The following PRKG1 variants were observed in gnomAD, a reference collection of about 807,000 sequenced individuals.
PRKG1 encodes cGMP-dependent protein kinase 1.
A neutral mutation model predicts 88.1 loss-of-function variants in PRKG1; 35 were observed. That is an observed-to-expected ratio of 0.40 (90% CI 0.30 to 0.53). The LOEUF (loss-of-function observed/expected upper bound fraction) is 0.53, where lower values mean the gene tolerates loss of function less well. PRKG1 is among the 20% of genes least tolerant of loss of function. The probability of loss-of-function intolerance (pLI) is 0.59; values close to 1 mark genes in which losing one functional copy is unlikely to be tolerated. For synonymous variants in PRKG1, 303 were observed against 292.5 expected (o/e 1.04, Z -0.37); for missense variants, 540 against 839.8 (o/e 0.64, Z 4.41).
chr10:51,868,261 T>C (rs1841066142), intron 4 of PRKG1, among the ~76,000 whole-genome samples: 1 of 152,088 alleles, frequency 6.6e-6, no homozygotes, highest in South Asian at 2.1e-4. Context: ...GCAACCAGCA[T>C]GGTTGCCCAT....
chr10:51,889,778 T>C (rs866814109), intron 4 of PRKG1, among the ~76,000 whole-genome samples: 50 of 152,318 alleles, frequency 3.3e-4, no homozygotes, highest in African/African-American at 1.1e-3. Context: ...TATCTCATTG[T>C]GGTTTTGATT....
At chr10:51,937,271 C>T (rs552701552) in intron 5 of PRKG1, among the ~76,000 whole-genome samples, 5 of 151,948 alleles carry the variant, frequency 3.3e-5, no homozygotes, top group African/African-American at 9.7e-5. Context: ...TGGCCATATT[C>T]TATGCCGCTA....
chr10:51,676,831 C>CT (rs1352122716), intron 3 of PRKG1, among the ~76,000 whole-genome samples: 1 of 152,116 alleles, frequency 6.6e-6, no homozygotes, highest in Non-Finnish European at 1.5e-5. Flanking sequence ...TGCTTATCTC[C>CT]TGGCATTGAT....
intron 2 of PRKG1, among the ~76,000 whole-genome samples, chr10:51,343,105 A>C (rs754609092): frequency 2.6e-5 from 4 of 152,232 alleles, no homozygotes; most frequent in Non-Finnish European, 5.9e-5. Flanking sequence ...AATTCACTGC[A>C]ATGTGAGCTT....
intron 5 of PRKG1, among the ~76,000 whole-genome samples, chr10:51,985,866 C>T (rs994014101): frequency 2.6e-5 from 4 of 152,056 alleles, no homozygotes; most frequent in South Asian, 2.1e-4. Flanking sequence ...CTGTTAGACC[C>T]GTTGCAAGTG....
chr10:51,331,305 A>G (rs1381864900), intron 2 of PRKG1, among the ~76,000 whole-genome samples: 1 of 152,060 alleles, frequency 6.6e-6, no homozygotes, highest in South Asian at 2.1e-4. Context: ...CTGTTGAAGT[A>G]AGTCCCATGG....
chr10:51,211,579 C>T (rs1301912590), intron 2 of PRKG1, among the ~76,000 whole-genome samples: 1 of 152,100 alleles, frequency 6.6e-6, no homozygotes, highest in Non-Finnish European at 1.5e-5. Flanking sequence ...ATCGTCTCAG[C>T]CTAAAATCTC....
At chr10:51,053,725 A>G (rs548315117) in intron 1 of PRKG1, among the ~76,000 whole-genome samples, 1 of 152,166 alleles carries the variant, frequency 6.6e-6, no homozygotes, top group African/African-American at 2.4e-5. Context: ...TTTAAGCTTC[A>G]TAATTGCTTG....
At position 50,991,568 on chromosome 10, in the gene PRKG1, A is replaced by G. The variant is rs1842782280; in HGVS notation, c.190A>G (p.Ile64Val). ...CCCCCGGACCACCCGGGCGCAGGGC[A>G]TCTCGGCCGAGCCGCAGACGTACAG... Residue 64 changes from isoleucine (I) to valine (V), a missense_variant, in exon 1 of 18, where the codon ATC becomes GTC. Physicochemically the swap from Ile to Val is conservative, Grantham distance 29. Transcript: ENST00000401604. The surrounding 1 kb of genome is among the most constrained non-coding windows in gnomAD (Gnocchi z 4.5). 6.2e-7 allele frequency: 1 copy of G among 1,602,996 alleles called. No individual in the cohort carries two copies. Among genetic ancestry groups the G allele is most frequent in the African/African-American group, 1.3e-5 (1 of 74,526 alleles).
At chr10:52,175,669 C>A (rs191967626) in intron 9 of PRKG1, among the ~76,000 whole-genome samples, 1 of 151,990 alleles carries the variant, frequency 6.6e-6, no homozygotes, top group East Asian at 1.9e-4. Context: ...TATTTTTTGT[C>A]TTTTTGATAA....
intron 5 of PRKG1, among the ~76,000 whole-genome samples, chr10:52,028,946 A>G (rs10823979): frequency 0.17 from 26,458 of 152,106 alleles, 2,570 homozygotes; most frequent in East Asian, 0.29. Flanking sequence ...AAAAAATACT[A>G]TTTCACAAAA....
intron 1 of PRKG1, among the ~76,000 whole-genome samples, chr10:51,049,872 C>G (rs1021855289): frequency 7.2e-5 from 11 of 152,044 alleles, no homozygotes; most frequent in African/African-American, 2.7e-4. Context: ...CGAAAGTACC[C>G]ATATGCATGG....
chr10:51,730,183 C>A (rs1564624346), intron 3 of PRKG1, among the ~76,000 whole-genome samples: 1 of 152,066 alleles, frequency 6.6e-6, no homozygotes, highest in East Asian at 2.0e-4. Flanking sequence ...AGCTGATGCT[C>A]CAGAGGCTGT....
At chr10:52,078,484 T>G (rs1323898779) in intron 7 of PRKG1, among the ~76,000 whole-genome samples, 1 of 152,214 alleles carries the variant, frequency 6.6e-6, no homozygotes, top group African/African-American at 2.4e-5. Flanking sequence ...CATTCTAACT[T>G]CCTACATGTG....
Position 50,991,238 on chromosome 10 carries a change from A to C in PRKG1, c.-141A>C. The stretch of plus-strand genomic sequence containing the variant: ...GCTCCCCGCGCCGCATTAGGGGCGC[A>C]CTCCGCCGCGCTCGAGTACTTAGCG... On this transcript the variant is annotated 5_prime_UTR_variant, in exon 1 of 18. Coordinates refer to the PRKG1 transcript ENST00000401604. This position sits in a 1 kb window ranked among gnomAD's most constrained non-coding sequence, Gnocchi z 4.5. 1.6e-6 allele frequency: 2 copies of C among 1,272,404 alleles called. No homozygotes were observed. Among genetic ancestry groups the C allele is most frequent in the South Asian group, 1.6e-5 (1 of 62,478 alleles). 78.8% of individuals were successfully genotyped at this position (1,272,404 alleles called of 1,614,324 possible). A position where few individuals can be genotyped will look rare whatever the true frequency, so the allele number is the denominator to read the frequency against.
Position 50,991,636 on chromosome 10 carries a change from G to A in PRKG1, c.258G>A (p.Lys86=), listed in dbSNP as rs370542792. 1.7e-4 allele frequency: 257 copies of A among 1,528,328 alleles called. No individual in the cohort carries two copies. The African/African-American group carries it at 3.3e-3, about 20-fold the overall frequency. The allele number at this position is 1,528,328 out of a possible 1,614,324, so 94.7% of individuals were successfully genotyped here. ...GACAGGCATTCCGGAAGTTCACCAA[G>A]TCCGAAAGGTAGGCGCGGAGGCCGT... Residue 86 remains lysine, a synonymous_variant, in exon 1 of 18, where the codon AAG becomes AAA. Coordinates refer to the PRKG1 transcript ENST00000401604. The surrounding 1 kb of genome is among the most constrained non-coding windows in gnomAD (Gnocchi z 4.5).
intron 8 of PRKG1, among the ~76,000 whole-genome samples, chr10:52,136,270 G>A (rs1470040151): frequency 6.6e-6 from 1 of 152,066 alleles, no homozygotes; most frequent in East Asian, 1.9e-4. Flanking sequence ...GGAGAAAATA[G>A]TGGGCAAATG....
intron 3 of PRKG1, among the ~76,000 whole-genome samples, chr10:51,750,702 C>A (rs1248508152): frequency 6.6e-6 from 1 of 152,178 alleles, no homozygotes; most frequent in Non-Finnish European, 1.5e-5. Flanking sequence ...CTGAATGGCA[C>A]TTCTAAGGGT....
intron 7 of PRKG1, among the ~76,000 whole-genome samples, chr10:52,066,677 C>T (rs773966459): frequency 6.6e-6 from 1 of 152,148 alleles, no homozygotes; most frequent in African/African-American, 2.4e-5. Flanking sequence ...ACGGAAATTA[C>T]TGAACTCCAG....
Sources: gnomAD v4.1 joint callset for allele counts (sites outside exome capture counted in the v4.1 genomes callset) on GRCh38, gnomAD v4.1.1 for gene constraint, Gnocchi (gnomAD v3.1) non-coding constraint, MANE v1.5 for transcripts, NCBI Gene and HGNC (gene_info 2026-07-23, HGNC 2026-07-21) for gene names.